Variants in ERBB4 observed in about 807,000 individuals in gnomAD.
ERBB4 encodes erb-b2 receptor tyrosine kinase 4.
Under a neutral mutation model 158.0 loss-of-function variants are expected in ERBB4, and 42 were observed. The observed-to-expected ratio is 0.27, with a 90% CI of 0.21 to 0.34. The LOEUF (loss-of-function observed/expected upper bound fraction) is 0.34, where lower values mean the gene tolerates loss of function less well. ERBB4 is among the 10% of genes least tolerant of loss of function. The pLI is 1.00. For missense variants in ERBB4, 1,333 were observed against 1,624.1 expected, an observed-to-expected ratio of 0.82 and a Z score of 3.08; for synonymous variants, 583 against 558.7, an observed-to-expected ratio of 1.04 and a Z score of -0.61.
At chr2:212,343,362 T>G (rs1383908232) in intron 1 of ERBB4, among the ~76,000 whole-genome samples, 1 of 152,184 alleles carries the variant, frequency 6.6e-6, no homozygotes. Flanking sequence ...TGTGTCACAG[T>G]CCAGAGTATT....
At chr2:211,765,470 CA>C (rs2075528708) in intron 4 of ERBB4, among the ~76,000 whole-genome samples, 1 of 151,906 alleles carries the variant, frequency 6.6e-6, no homozygotes, top group South Asian at 2.1e-4. Flanking sequence ...TTGATAAGAC[CA>C]TGTTTTGTTT....
In ERBB4 at chr2:211,953,465, CAA is replaced by C. The variant is rs36024345; in HGVS notation, c.235-5851_235-5850del. ...TTGATATTAAATAAAGGTTTTTCTC[CAA>C]AAAAAAAAAAAAAAAAAAAAGAAGA... On this transcript the variant is annotated intron_variant, in intron 2 of 27. Coordinates refer to ENST00000342788, the MANE Select transcript of ERBB4 (RefSeq NM_005235.3). Among the ~76,000 whole-genome samples the C allele has an allele frequency of 7.1e-3, 609 of 85,558 alleles. 5 individuals carry two copies. The highest frequency in any genetic ancestry group is 0.022 in the African/African-American group (544 of 25,044). 56.1% of individuals were successfully genotyped at this position (85,558 alleles called of 152,430 possible).
intron 3 of ERBB4, among the ~76,000 whole-genome samples, chr2:211,798,341 T>G (rs1469253153): frequency 6.6e-6 from 1 of 152,174 alleles, no homozygotes; most frequent in East Asian, 1.9e-4. Context: ...ATTCATAGGC[T>G]GTTCATTTTT....
At chr2:211,568,009 T>G (rs1248841200) in intron 19 of ERBB4, among the ~76,000 whole-genome samples, 1 of 152,044 alleles carries the variant, frequency 6.6e-6, no homozygotes, top group African/African-American at 2.4e-5. Context: ...TGGAGGCAAT[T>G]TTGGAATCTT....
chr2:212,111,164 T>G (rs1159692959), intron 2 of ERBB4, among the ~76,000 whole-genome samples: 1 of 152,172 alleles, frequency 6.6e-6, no homozygotes, highest in African/African-American at 2.4e-5. Context: ...AGACTGGAGA[T>G]CTCAGGATCT....
chr2:211,631,232 C>T (rs1382667983), intron 16 of ERBB4, among the ~76,000 whole-genome samples: 1 of 151,972 alleles, frequency 6.6e-6, no homozygotes, highest in Non-Finnish European at 1.5e-5. Flanking sequence ...TGCTCTAATG[C>T]AAAAATGAGT....
At chr2:211,919,786 G>C (rs1394720055) in intron 3 of ERBB4, among the ~76,000 whole-genome samples, 1 of 151,946 alleles carries the variant, frequency 6.6e-6, no homozygotes, top group Non-Finnish European at 1.5e-5. Context: ...AAAGTAGCTG[G>C]AATAGGGCCG....
intron 2 of ERBB4, among the ~76,000 whole-genome samples, chr2:212,026,730 T>A (rs551839696): frequency 6.6e-6 from 1 of 152,024 alleles, no homozygotes; most frequent in East Asian, 1.9e-4. Flanking sequence ...TAACTCTTCC[T>A]AGAAGCAATA....
At chr2:212,365,217 A>C (rs918558088) in intron 1 of ERBB4, among the ~76,000 whole-genome samples, 3 of 151,680 alleles carry the variant, frequency 2.0e-5, no homozygotes, top group Non-Finnish European at 2.9e-5. Context: ...AAAGATATAT[A>C]ATCTATATAA....
chr2:212,311,067 A>G (rs1437683690), intron 1 of ERBB4, among the ~76,000 whole-genome samples: 1 of 150,830 alleles, frequency 6.6e-6, no homozygotes, highest in African/African-American at 2.4e-5. Context: ...TGTTGACAGT[A>G]CAAACTTCCT....
intron 1 of ERBB4, among the ~76,000 whole-genome samples, chr2:212,188,184 G>GTCGGTCTCTCTCTCTCTCTC (rs2082071927): frequency 4.9e-5 from 1 of 20,490 alleles, no homozygotes. Flanking sequence ...ATACCTTCAG[G>GTCGGTCTCTCTCTCTCTCTC]TCTCTCTCTC....
chr2:211,555,140 G>T (rs1008746819), intron 20 of ERBB4, among the ~76,000 whole-genome samples: 4 of 152,036 alleles, frequency 2.6e-5, no homozygotes, highest in Non-Finnish European at 5.9e-5. Flanking sequence ...TGCAGAGGGA[G>T]CATGACTGCC....
At chr2:211,780,447 C>A (rs756549394) in intron 4 of ERBB4, among the ~76,000 whole-genome samples, 3 of 152,172 alleles carry the variant, frequency 2.0e-5, no homozygotes, top group Admixed American at 6.5e-5. Flanking sequence ...ACATTTTCAT[C>A]TCAAGGAACT....
intron 3 of ERBB4, among the ~76,000 whole-genome samples, chr2:211,852,785 C>T (rs566161820): frequency 6.6e-6 from 1 of 151,682 alleles, no homozygotes; most frequent in Non-Finnish European, 1.5e-5. Context: ...GTCCTTTGGG[C>T]TCCTACTACT....
intron 20 of ERBB4, among the ~76,000 whole-genome samples, chr2:211,558,849 T>C (rs946013143): frequency 5.9e-5 from 9 of 152,158 alleles, no homozygotes; most frequent in African/African-American, 1.2e-4. Flanking sequence ...TATATATTTA[T>C]TGAATGGCTA....
chr2:212,436,947 A>T (rs1182075855), intron 1 of ERBB4, among the ~76,000 whole-genome samples: 1 of 151,974 alleles, frequency 6.6e-6, no homozygotes, highest in East Asian at 1.9e-4. Flanking sequence ...AGAGGCTAGA[A>T]AAGAGTGGGT....
chr2:211,955,921 A>G (rs1389636681), intron 2 of ERBB4, among the ~76,000 whole-genome samples: 1 of 152,074 alleles, frequency 6.6e-6, no homozygotes, highest in Non-Finnish European at 1.5e-5. Context: ...AGATTACACA[A>G]ACTAAGTTGG....
At chr2:211,833,635 T>C (rs955802085) in intron 3 of ERBB4, among the ~76,000 whole-genome samples, 3 of 151,964 alleles carry the variant, frequency 2.0e-5, no homozygotes, top group Non-Finnish European at 2.9e-5. Flanking sequence ...TGAATTTGGA[T>C]TGGCAACCAA....
At chr2:211,515,538 A>C (rs1441593729) in intron 20 of ERBB4, among the ~76,000 whole-genome samples, 1 of 152,040 alleles carries the variant, frequency 6.6e-6, no homozygotes, top group Non-Finnish European at 1.5e-5. Flanking sequence ...TTAGAAAGAG[A>C]AGTTAATGAT....
Sources: allele counts gnomAD v4.1 joint callset (sites outside exome capture counted in the v4.1 genomes callset), GRCh38; gene constraint gnomAD v4.1.1; transcripts MANE v1.5; gene names NCBI Gene and HGNC (gene_info 2026-07-23, HGNC 2026-07-21).